Variants in ZBBX observed in about 807,000 individuals in gnomAD.
ZBBX encodes zinc finger B-box domain containing, also known as zinc finger B-box domain-containing protein 1.
Under a neutral mutation model 108.5 loss-of-function variants are expected in ZBBX, and 101 were observed. That is an observed-to-expected ratio of 0.93 (90% CI 0.79 to 1.10). The LOEUF is 1.10. Ranked by LOEUF, ZBBX falls within the 50% of genes least tolerant of loss-of-function variation. ZBBX has a pLI of 0.00. For missense variants in ZBBX, 1,009 were observed against 941.4 expected (o/e 1.07, Z -0.94); for synonymous variants, 356 against 323.4 (o/e 1.10, Z -1.08).
intron 20 of ZBBX, among the ~76,000 whole-genome samples, chr3:167,249,333 G>T (rs1299545744): frequency 2.0e-5 from 3 of 152,158 alleles, no homozygotes; most frequent in African/African-American, 7.2e-5. Context: ...GAGTAGGATT[G>T]CCCTCCTGTT....
the ZBBX span, among the ~76,000 whole-genome samples, chr3:167,195,739 G>A: frequency 2.0e-5 from 3 of 152,126 alleles, no homozygotes; most frequent in South Asian, 2.1e-4. Flanking sequence ...CAAATCTGAC[G>A]TTTATAACGG....
the ZBBX span, among the ~76,000 whole-genome samples, chr3:167,223,763 T>C: frequency 6.6e-6 from 1 of 152,108 alleles, no homozygotes; most frequent in Non-Finnish European, 1.5e-5. Context: ...CAAATATTTT[T>C]AGTCCTTAAG....
chr3:167,324,601 C>T (rs527698068), intron 11 of ZBBX, among the ~76,000 whole-genome samples: 4 of 152,222 alleles, frequency 2.6e-5, no homozygotes, highest in South Asian at 2.1e-4. Flanking sequence ...CACCAATTAT[C>T]GTCAGAAATC....
chr3:167,295,255 C>A (rs1731437997), intron 18 of ZBBX, among the ~76,000 whole-genome samples: 1 of 152,102 alleles, frequency 6.6e-6, no homozygotes, highest in Non-Finnish European at 1.5e-5. Context: ...ATGTTTATTG[C>A]AGCACTGTTC....
intron 9 of ZBBX, among the ~76,000 whole-genome samples, chr3:167,344,551 A>G (rs1031239076): frequency 6.6e-6 from 1 of 151,782 alleles, no homozygotes; most frequent in Admixed American, 6.6e-5. Flanking sequence ...CAAGACTGCT[A>G]TCAAATCCTC....
chr3:167,231,135 T>C, the ZBBX span, among the ~76,000 whole-genome samples: 2 of 151,676 alleles, frequency 1.3e-5, no homozygotes, highest in Admixed American at 1.3e-4. Flanking sequence ...TACGATTCTG[T>C]TTTGGGTATG....
chr3:167,363,519 A>C (rs771459396), intron 6 of ZBBX, among the ~76,000 whole-genome samples: 36 of 151,882 alleles, frequency 2.4e-4, no homozygotes, highest in African/African-American at 4.4e-4. Context: ...CACACACACA[A>C]AAAATATGTC....
intron 20 of ZBBX, among the ~76,000 whole-genome samples, chr3:167,257,071 C>A (rs1437778992): frequency 6.6e-6 from 1 of 152,174 alleles, no homozygotes; most frequent in East Asian, 1.9e-4. Context: ...AGTGTTTGAA[C>A]TAACTTATGT....
intron 16 of ZBBX, among the ~76,000 whole-genome samples, chr3:167,309,186 C>T (rs1734169278): frequency 1.3e-5 from 2 of 152,218 alleles, no homozygotes; most frequent in South Asian, 4.2e-4. Flanking sequence ...TGGGGTAAAT[C>T]TGTTCCAAAA....
At chr3:167,264,987 C>A (rs1475040928) in intron 20 of ZBBX, among the ~76,000 whole-genome samples, 2 of 152,190 alleles carry the variant, frequency 1.3e-5, no homozygotes, top group Non-Finnish European at 2.9e-5. Context: ...CCCATCTGGC[C>A]CATGCCAGGC....
chr3:167,372,220 AG>A (rs1310358087), intron 4 of ZBBX, among the ~76,000 whole-genome samples: 3 of 151,914 alleles, frequency 2.0e-5, no homozygotes, highest in Non-Finnish European at 2.9e-5. Context: ...AAAAAAAAAA[AG>A]TCTGTCTTCA....
chr3:167,257,202 C>A (rs1416180745), intron 20 of ZBBX, among the ~76,000 whole-genome samples: 1 of 151,870 alleles, frequency 6.6e-6, no homozygotes, highest in African/African-American at 2.4e-5. Context: ...TTTTTTATTT[C>A]TTTTTCAGAT....
chr3:167,231,772 G>C, the ZBBX span, among the ~76,000 whole-genome samples: 1 of 151,598 alleles, frequency 6.6e-6, no homozygotes, highest in African/African-American at 2.4e-5. Context: ...CCAAATCTGT[G>C]GTGGGTATTT....
At chr3:167,321,770 T>A (rs940732149) in intron 12 of ZBBX, among the ~76,000 whole-genome samples, 3 of 152,052 alleles carry the variant, frequency 2.0e-5, no homozygotes, top group African/African-American at 7.2e-5. Flanking sequence ...AATTATAGTC[T>A]CAAATGTTAG....
chr3:167,381,391 A>C (rs1747708819), upstream of ZBBX: 1 of 152,208 alleles, frequency 6.6e-6, no homozygotes. Context: ...CAGTACAGTT[A>C]GTCCATACGT....
intron 1 of ZBBX, among the ~76,000 whole-genome samples, chr3:167,396,218 G>A (rs1748231469): frequency 6.6e-6 from 1 of 151,974 alleles, no homozygotes; most frequent in Admixed American, 6.6e-5. Flanking sequence ...GGAGCTGACT[G>A]TTGCAGGATA....
At chr3:167,298,187 T>C (rs970082461) in intron 18 of ZBBX, 118 bp downstream of exon 18, 9 of 740,582 alleles carry the variant, frequency 1.2e-5, no homozygotes, top group Non-Finnish European at 1.6e-5. Flanking sequence ...TGGCAACTAA[T>C]ACAAGGTTAA....
intron 18 of ZBBX, among the ~76,000 whole-genome samples, chr3:167,292,527 A>C (rs1381655836): frequency 6.6e-6 from 1 of 152,196 alleles, no homozygotes; most frequent in Non-Finnish European, 1.5e-5. Context: ...AATGTACCAG[A>C]ATCTCTGGGA....
chr3:167,387,228 T>C (rs1372494786), intron 1 of ZBBX, among the ~76,000 whole-genome samples: 1 of 152,050 alleles, frequency 6.6e-6, no homozygotes, highest in Non-Finnish European at 1.5e-5. Flanking sequence ...TAGGCATTCT[T>C]ACAGATAATG....
Sources: gnomAD v4.1 joint callset for allele counts (sites outside exome capture counted in the v4.1 genomes callset) on GRCh38, gnomAD v4.1.1 for gene constraint, MANE v1.5 for transcripts, NCBI Gene and HGNC (gene_info 2026-07-23, HGNC 2026-07-21) for gene names.